The following BICRA variants were observed in gnomAD, a reference collection of about 807,000 sequenced individuals.
BICRA encodes BRD4 interacting chromatin remodeling complex associated protein.
A neutral mutation model predicts 96.9 loss-of-function variants in BICRA; 31 were observed. That is an observed-to-expected ratio of 0.32 (90% CI 0.24 to 0.43). BICRA has a LOEUF of 0.43. Ranked by LOEUF, BICRA falls within the 20% of genes least tolerant of loss-of-function variation. The pLI, the probability that BICRA is intolerant of heterozygous loss-of-function variation, is 1.00. For synonymous variants in BICRA, 1,350 were observed against 1,071.8 expected, an observed-to-expected ratio of 1.26 and a Z score of -5.07; for missense variants, 2,283 against 2,190.3, an observed-to-expected ratio of 1.04 and a Z score of -0.84.
At chr19:47,609,894 C>T (rs953904126) in intron 1 of BICRA, among the ~76,000 whole-genome samples, 1 of 152,192 alleles carries the variant, frequency 6.6e-6, no homozygotes, top group Non-Finnish European at 1.5e-5. Flanking sequence ...CCCCCAGCCC[C>T]CGGCAATAGA....
intron 1 of BICRA, among the ~76,000 whole-genome samples, chr19:47,654,636 C>T (rs1355734537): frequency 6.6e-6 from 1 of 151,970 alleles, no homozygotes; most frequent in African/African-American, 2.4e-5. Flanking sequence ...CACCTGCTAC[C>T]GTCTTGCTAT....
intron 1 of BICRA, among the ~76,000 whole-genome samples, chr19:47,633,765 T>A (rs574448103): frequency 8.5e-5 from 13 of 152,358 alleles, no homozygotes; most frequent in Middle Eastern, 3.4e-3. Flanking sequence ...ATCATGCTAA[T>A]GGTACCTCAC....
At position 47,695,489 on chromosome 19, in the gene BICRA, G is replaced by C. The variant is rs1183418033; in HGVS notation, c.3186+15G>C. 7.9e-7 allele frequency: 1 copy of C among 1,258,114 alleles called. No individual in the cohort carries two copies. The highest frequency in any genetic ancestry group is 1.1e-6 in the Non-Finnish European group (1 of 874,554). 77.9% of individuals were successfully genotyped at this position (1,258,114 alleles called of 1,614,324 possible). On this transcript the variant is annotated intron_variant, in intron 10 of 14. Coordinates refer to ENST00000594866, the MANE Select transcript of BICRA (RefSeq NM_001394372.1). ...CCGGGCTGCAGGTAAGGGGCCCTTA[G>C]AGCAGGGGTCAGGACAGGACCAGGA...
intron 1 of BICRA, among the ~76,000 whole-genome samples, chr19:47,618,266 T>G (rs1046195027): frequency 2.6e-5 from 4 of 152,158 alleles, no homozygotes; most frequent in Admixed American, 2.6e-4. Context: ...GATGGGCAAC[T>G]GGGTCAGCTG....
chr19:47,694,409 C>A lies in BICRA; in HGVS notation c.2578C>A (p.Pro860Thr). ...PAPTAPGPPQPPLRPQSQPPE... is the reference protein window; with the variant it reads ...PAPTAPGPPQTPLRPQSQPPE... ...CCCTACTGCCCCAGGCCCGCCGCAG[C>A]CGCCTCTCCGCCCCCAGTCCCAGCC... The change falls in exon 8 of 15, where the codon CCG becomes ACG. Residue 860 changes from proline (P) to threonine (T), a missense_variant. Transcript: ENST00000594866. The A allele has an allele frequency of 9.7e-7, 1 of 1,028,570 alleles. No individual in the cohort carries two copies. The highest frequency in any genetic ancestry group is 1.5e-6 in the Non-Finnish European group (1 of 669,374). 63.7% of individuals were successfully genotyped at this position (1,028,570 alleles called of 1,614,324 possible).
At chr19:47,685,786 T>TGTGCGCGCGC in intron 7 of BICRA, among the ~76,000 whole-genome samples, 167 of 117,964 alleles carry the variant, frequency 1.4e-3, no homozygotes, top group Admixed American at 3.8e-3. Flanking sequence ...TGTGTGTGTG[T>TGTGCGCGCGC]GCGCGCGCGC....
intron 1 of BICRA, among the ~76,000 whole-genome samples, chr19:47,667,962 C>T (rs759654497): frequency 6.6e-6 from 1 of 152,168 alleles, no homozygotes; most frequent in Non-Finnish European, 1.5e-5. Flanking sequence ...GGTGCGGTGG[C>T]TCATGCCTGT....
chr19:47,621,544 G>A (rs1377890301), intron 1 of BICRA, among the ~76,000 whole-genome samples: 1 of 150,780 alleles, frequency 6.6e-6, no homozygotes, highest in Non-Finnish European at 1.5e-5. Flanking sequence ...TGCTATCTTG[G>A]CTCACTGCAA....
Position 47,695,378 on chromosome 19 carries a change from G to A in BICRA, c.3090G>A (p.Leu1030=). 2 of 1,055,956 alleles carry A rather than the reference G, an allele frequency of 1.9e-6. No individual in the cohort carries two copies. Among genetic ancestry groups the A allele is most frequent in the East Asian group, 3.8e-5 (1 of 26,570 alleles). 65.4% of individuals were successfully genotyped at this position (1,055,956 alleles called of 1,614,324 possible). A position where few individuals can be genotyped will look rare whatever the true frequency, so the allele number is the denominator to read the frequency against. ...ACCCACCCCCAGGCCTCCCTCCTCT[G>A]CTTCCAGCCGAGAACAAGGCTTTTG... ...APMAATGLPP[L]LPAENKAFAS... is the part of the protein sequence containing the mutation. Residue 1030 remains leucine (L), a synonymous_variant, in exon 10 of 15, where the codon CTG becomes CTA. Transcript: ENST00000594866.
chr19:47,680,496 C>T lies in BICRA; in HGVS notation c.1326C>T (p.Ala442=). Residue 442 remains alanine, a synonymous_variant, in exon 6 of 15, where the codon GCC becomes GCT. Transcript: ENST00000594866. ...CGGCCCCGCCGCAGCCCCCCGGGGC[C>T]CTGAGCAAACCCATGAGCGTCCACC... ...TGAAPPQPPG[A]LSKPMSVHLL... 5.2e-6 allele frequency: 8 copies of T among 1,542,746 alleles called. No homozygotes were observed. The South Asian group carries it at 9.5e-5, about 18-fold the overall frequency.
chr19:47,667,867 G>A (rs1972806113), intron 1 of BICRA, among the ~76,000 whole-genome samples: 1 of 152,212 alleles, frequency 6.6e-6, no homozygotes, highest in Non-Finnish European at 1.5e-5. Flanking sequence ...GAGAGAAGTA[G>A]CAGGAGAGGG....
chr19:47,683,647 C>G (rs1031267161), intron 7 of BICRA, among the ~76,000 whole-genome samples: 1 of 150,860 alleles, frequency 6.6e-6, no homozygotes, highest in Non-Finnish European at 1.5e-5. Context: ...TGCGGTGTCG[C>G]GATCTCTGCT....
intron 14 of BICRA, chr19:47,700,350 C>CA (rs58785921): frequency 0.3 from 44,684 of 150,562 alleles, 6,706 homozygotes; most frequent in African/African-American, 0.35. Context: ...GACTCCGTCT[C>CA]AAAAAAAAAG....
chr19:47,691,961 A>C (rs917637470), intron 7 of BICRA, among the ~76,000 whole-genome samples: 1 of 152,230 alleles, frequency 6.6e-6, no homozygotes, highest in Non-Finnish European at 1.5e-5. Flanking sequence ...CAGCATTGAC[A>C]TGATACTGTT....
intron 6 of BICRA, 27 bp from the exon 7 acceptor site, chr19:47,681,949 T>G: frequency 6.6e-7 from 1 of 1,515,316 alleles, no homozygotes; most frequent in Non-Finnish European, 8.9e-7. Flanking sequence ...GGCGGCTTTC[T>G]GATCCTGTGC....
chr19:47,674,536 G>A (rs1479178174), intron 4 of BICRA, among the ~76,000 whole-genome samples: 1 of 152,156 alleles, frequency 6.6e-6, no homozygotes, highest in Non-Finnish European at 1.5e-5. Context: ...AATTGTTAGA[G>A]CTCTTGCAGT....
Position 47,611,218 on chromosome 19 carries a change from C to G in BICRA, c.-108+2050C>G, listed in dbSNP as rs1044343045. ...ACCCTTTGGCATTTTGTCCCCCTGA[C>G]TTCAGTGGACCTGGTTCGGAAATGT... On this transcript the variant is annotated intron_variant, in intron 1 of 14. Transcript: ENST00000594866. Among the ~76,000 whole-genome samples, 49 of 152,164 alleles carry G rather than the reference C, an allele frequency of 3.2e-4. 1 individual carries two copies. The highest frequency in any genetic ancestry group is 7.2e-4 in the Non-Finnish European group (49 of 68,026).
intron 1 of BICRA, among the ~76,000 whole-genome samples, chr19:47,655,686 C>G (rs1020565269): frequency 6.7e-6 from 1 of 150,258 alleles, no homozygotes; most frequent in Non-Finnish European, 1.5e-5. Flanking sequence ...AACCCCATCT[C>G]TACTAAAAAT....
In BICRA at chr19:47,673,778, G is replaced by A; in HGVS notation, c.84+16G>A. 6.2e-7 allele frequency: 1 copy of A among 1,608,030 alleles called. No individual in the cohort carries two copies. Among genetic ancestry groups the A allele is most frequent in the Non-Finnish European group, 8.5e-7 (1 of 1,174,600 alleles). ...ATCCGAGAAGGTAAGCATGGGCGCA[G>A]GGAGAGGCATTCCCTGAGTGGGGGG... On this transcript the variant is annotated intron_variant, in intron 4 of 14. Coordinates refer to ENST00000594866, the MANE Select transcript of BICRA (RefSeq NM_001394372.1).
Sources: gnomAD v4.1 joint callset for allele counts (sites outside exome capture counted in the v4.1 genomes callset) on GRCh38, gnomAD v4.1.1 for gene constraint, MANE v1.5 for transcripts, NCBI Gene and HGNC (gene_info 2026-07-23, HGNC 2026-07-21) for gene names.